TEF: variants seen among roughly 807,000 people sequenced by gnomAD.
The protein encoded by TEF is thyrotroph embryonic factor.
TEF carries 3 observed loss-of-function variants against 20.8 expected under a neutral mutation model. That is an observed-to-expected ratio of 0.14 (90% CI 0.07 to 0.37). The LOEUF is 0.37. Ranked by LOEUF, TEF falls within the 10% of genes least tolerant of loss-of-function variation. The pLI is 1.00. For synonymous variants in TEF, 180 were observed against 171.1 expected (o/e 1.05, Z -0.41); for missense variants, 296 against 397.9 (o/e 0.74, Z 2.18).
At chr22:41,379,429 C>A (rs2036986389), upstream of TEF, among the ~76,000 whole-genome samples, 1 of 152,050 alleles carries the variant, frequency 6.6e-6, no homozygotes, top group Non-Finnish European at 1.5e-5. Flanking sequence ...ATCGCTTGAA[C>A]TCAGGAGGCA....
intron 1 of TEF, among the ~76,000 whole-genome samples, chr22:41,369,477 G>A (rs995467243): frequency 1.3e-5 from 2 of 152,182 alleles, no homozygotes; most frequent in African/African-American, 4.8e-5. Context: ...CCACAGGACC[G>A]ACAGATGCCA....
rs777276656 is a variant in TEF, at chr22:41,394,142, C to T, written c.522C>T (p.Pro174=). Residue 174 remains proline, a synonymous_variant, in exon 3 of 4, where the codon CCC becomes CCT. Coordinates refer to ENST00000266304, the MANE Select transcript of TEF (RefSeq NM_003216.4). ...KERETPSPID[P]NCVEVDVNFN... is the part of the protein sequence containing the mutation. ...GGGAGACTCCCAGTCCCATCGACCC[C>T]AATTGTGTGGAAGTGGATGTGAACT... 11 of 1,613,996 alleles carry T rather than the reference C, an allele frequency of 6.8e-6. No individual in the cohort carries two copies. The South Asian group carries it at 1.1e-4, about 16-fold the overall frequency.
At chr22:41,376,893 G>T (rs1401081204) in intron 1 of TEF, among the ~76,000 whole-genome samples, 1 of 152,234 alleles carries the variant, frequency 6.6e-6, no homozygotes, top group Non-Finnish European at 1.5e-5. Flanking sequence ...GAAGTCGCTT[G>T]CCCATGGCCA....
At chr22:41,376,576 G>A (rs1013154477) in intron 1 of TEF, among the ~76,000 whole-genome samples, 3 of 152,198 alleles carry the variant, frequency 2.0e-5, no homozygotes, top group Non-Finnish European at 4.4e-5. Context: ...TGGAACAGTC[G>A]TGACTAGAAT....
intron 1 of TEF, among the ~76,000 whole-genome samples, chr22:41,385,651 C>T (rs923554545): frequency 3.9e-5 from 6 of 152,262 alleles, no homozygotes; most frequent in African/African-American, 9.6e-5. Flanking sequence ...AGTCTCTCTC[C>T]TGCAGATGCT....
At position 41,397,173 on chromosome 22, in the gene TEF, A is replaced by T. The variant is rs1006415171; in HGVS notation, c.*1213A>T. ...TTTCACGGGATAGCAGGCTCTTGGG[A>T]CTTTTACACAGGCCTAGGGTCCCCT... On this transcript the variant is annotated 3_prime_UTR_variant, in exon 4 of 4. Coordinates refer to ENST00000266304, the MANE Select transcript of TEF (RefSeq NM_003216.4). 14 of 398,378 alleles carry T rather than the reference A, an allele frequency of 3.5e-5. No individual in the cohort carries two copies. The highest frequency in any genetic ancestry group is 2.9e-4 in the African/African-American group (14 of 48,606). 24.7% of individuals were successfully genotyped at this position (398,378 alleles called of 1,614,324 possible).
At chr22:41,373,530 C>T (rs1019294657) in intron 1 of TEF, among the ~76,000 whole-genome samples, 1 of 150,584 alleles carries the variant, frequency 6.6e-6, no homozygotes, top group African/African-American at 2.5e-5. Context: ...AGTGTGGTGG[C>T]GTGATCTAGG....
In TEF at chr22:41,394,407, C is replaced by T; in HGVS notation, c.696+91C>T. 8.8e-6 allele frequency: 11 copies of T among 1,245,902 alleles called. No individual in the cohort carries two copies. In the South Asian group the frequency reaches 1.3e-4, roughly 15 times the overall value. 77.2% of individuals were successfully genotyped at this position (1,245,902 alleles called of 1,614,324 possible). On this transcript the variant is annotated intron_variant, in intron 3 of 3. Transcript: ENST00000266304. ...TCGCATTTGATTTTATCTGGAGAGCCTTCCCTCCTTGTGACACCATTTGGA... is the reference window on the plus strand; with the variant it reads ...TCGCATTTGATTTTATCTGGAGAGCTTTCCCTCCTTGTGACACCATTTGGA...
intron 1 of TEF, chr22:41,369,837 G>T: frequency 1.1e-6 from 1 of 939,508 alleles, no homozygotes; most frequent in Non-Finnish European, 1.3e-6. Context: ...CCTCAGGTCC[G>T]CGTGCCCTTG....
chr22:41,379,029 C>G (rs1002218741), upstream of TEF, among the ~76,000 whole-genome samples: 1 of 152,186 alleles, frequency 6.6e-6, no homozygotes, highest in Non-Finnish European at 1.5e-5. Flanking sequence ...TGCGCCTACG[C>G]AAATTGGCTC....
At chr22:41,381,863 C>T (rs1363497601), upstream of TEF, 1 of 1,221,324 alleles carries the variant, frequency 8.2e-7, no homozygotes, top group South Asian at 4.3e-5. Context: ...GGCCTGGCCT[C>T]ATGAATAATT....
At chr22:41,368,811 G>A (rs572078924) in intron 1 of TEF, among the ~76,000 whole-genome samples, 7 of 152,238 alleles carry the variant, frequency 4.6e-5, no homozygotes, top group African/African-American at 1.4e-4. Context: ...GCGCTCCTGT[G>A]GCCTCCTAGC....
chr22:41,383,081 T>A, intron 1 of TEF: 1 of 468,822 alleles, frequency 2.1e-6, no homozygotes, highest in South Asian at 1.6e-5. Flanking sequence ...AGGTATACTT[T>A]GAGTGTGAGA....
intron 1 of TEF, among the ~76,000 whole-genome samples, chr22:41,385,638 T>G (rs1422074861): frequency 6.6e-6 from 1 of 152,198 alleles, no homozygotes; most frequent in Non-Finnish European, 1.5e-5. Context: ...TTTCCCTCCT[T>G]GTAGTCTCTC....
Position 41,398,535 on chromosome 22 carries a change from T to G in TEF, c.*2575T>G, listed in dbSNP as rs1355088301. ...ACAAATCATGAATGAGCTGGAACTT[T>G]GCAAGAATATTCATATTATAAATGT... is the stretch of plus-strand genomic sequence containing the variant. On this transcript the variant is annotated 3_prime_UTR_variant, in exon 4 of 4. Coordinates refer to ENST00000266304, the MANE Select transcript of TEF (RefSeq NM_003216.4). 6.5e-6 allele frequency: 1 copy of G among 153,738 alleles called. No individual in the cohort carries two copies. The highest frequency in any genetic ancestry group is 1.9e-4 in the East Asian group (1 of 5,202). The allele number at this position is 153,738 out of a possible 1,614,324, so 9.5% of individuals were successfully genotyped here. A position where few individuals can be genotyped will look rare whatever the true frequency, so the allele number is the denominator to read the frequency against.
chr22:41,380,260 C>A (rs929526182), upstream of TEF, among the ~76,000 whole-genome samples: 1 of 152,240 alleles, frequency 6.6e-6, no homozygotes, highest in East Asian at 1.9e-4. Flanking sequence ...CAAACCGATT[C>A]TCGTGCCTCA....
chr22:41,375,410 G>C (rs2036927913), intron 1 of TEF, among the ~76,000 whole-genome samples: 1 of 152,202 alleles, frequency 6.6e-6, no homozygotes, highest in African/African-American at 2.4e-5. Context: ...TGCTGTTCCA[G>C]GTTCAATTGT....
At position 41,382,135 on chromosome 22, in the gene TEF, C is replaced by T. The variant is rs546439227; in HGVS notation, c.91C>T (p.Leu31=). The T allele has an allele frequency of 3.2e-6, 4 of 1,237,568 alleles. No individual in the cohort carries two copies. Among genetic ancestry groups the T allele is most frequent in the Admixed American group, 8.2e-5 (2 of 24,398 alleles). The allele number at this position is 1,237,568 out of a possible 1,614,324, so 76.7% of individuals were successfully genotyped here. ...GPGRAAGERG[L]SGSFPLVLKK... is the part of the protein sequence containing the mutation. The stretch of plus-strand genomic sequence containing the variant: ...GGGGCGCGCAGCTGGGGAAAGGGGC[C>T]TGTCGGGGTCCTTCCCCCTGGTCCT... Residue 31 remains leucine (L), a synonymous_variant, in exon 1 of 4, where the codon CTG becomes TTG. Coordinates refer to ENST00000266304, the MANE Select transcript of TEF (RefSeq NM_003216.4).
At chr22:41,370,718 C>T (rs5758317) in intron 1 of TEF, among the ~76,000 whole-genome samples, 8,901 of 152,202 alleles carry the variant, frequency 0.058, 1,032 homozygotes, top group East Asian at 0.45. Context: ...AGCCTCATTC[C>T]GTTTTCTAGT....
Sources: allele counts gnomAD v4.1 joint callset (sites outside exome capture counted in the v4.1 genomes callset), GRCh38; gene constraint gnomAD v4.1.1; transcripts MANE v1.5; gene names NCBI Gene and HGNC (gene_info 2026-07-23, HGNC 2026-07-21).